IL16: variants seen among roughly 807,000 people sequenced by gnomAD.
IL16 encodes pro-interleukin-16.
A neutral mutation model predicts 110.1 loss-of-function variants in IL16; 67 were observed. The ratio of observed to expected loss-of-function variants is 0.61; its 90% CI spans 0.50 to 0.75. IL16 has a LOEUF of 0.75. Ranked by LOEUF, IL16 falls within the 30% of genes least tolerant of loss-of-function variation. The probability of loss-of-function intolerance (pLI) is 0.00; values close to 1 mark genes in which losing one functional copy is unlikely to be tolerated. For missense variants in IL16, 1,545 were observed against 1,655.0 expected, an observed-to-expected ratio of 0.93 and a Z score of 1.15; for synonymous variants, 689 against 662.9, an observed-to-expected ratio of 1.04 and a Z score of -0.61.
At chr15:81,241,431 G>A (rs1040955653) in intron 2 of IL16, among the ~76,000 whole-genome samples, 6 of 151,864 alleles carry the variant, frequency 4.0e-5, no homozygotes, top group Non-Finnish European at 5.9e-5. Context: ...ATATATTGCT[G>A]CATTATTCAG....
chr15:81,205,164 G>T (rs1339497622), intron 1 of IL16, among the ~76,000 whole-genome samples: 1 of 151,872 alleles, frequency 6.6e-6, no homozygotes, highest in Non-Finnish European at 1.5e-5. Flanking sequence ...AAATTAGCCG[G>T]GCATAGTGGC....
rs1296687244 is a variant in IL16 at position 81,229,629 on chromosome 15, A to G, written c.312+3918A>G. 2.0e-5 allele frequency among the ~76,000 whole-genome samples: 3 copies of G among 152,320 alleles called. No homozygotes were observed. In the East Asian group the frequency reaches 5.8e-4, roughly 29 times the overall value. On this transcript the variant is annotated intron_variant, in intron 2 of 18. Coordinates refer to ENST00000683961, the MANE Select transcript of IL16 (RefSeq NM_172217.5). ...AGTTGCCTAAGCAAGTCCTGCAATC[A>G]AAGGTTCCAGGTCAGCAAGGCCAAA...
chr15:81,313,175 G>T lies in IL16; in HGVS notation c.*4377G>T. ...AAAGAGTGAACACAGGCCTCTGCGT[G>T]CTCCCAGGCTCCTTGGTGTCCCAAC... On this transcript the variant is annotated 3_prime_UTR_variant, in exon 19 of 19. Transcript: ENST00000683961. 2 of 1,424,952 alleles carry T rather than the reference G, an allele frequency of 1.4e-6. No homozygotes were observed. Among genetic ancestry groups the T allele is most frequent in the Non-Finnish European group, 1.9e-6 (2 of 1,076,232 alleles). The allele number at this position is 1,424,952 out of a possible 1,614,324, so 88.3% of individuals were successfully genotyped here. A position where few individuals can be genotyped will look rare whatever the true frequency, so the allele number is the denominator to read the frequency against.
In IL16 at chr15:81,273,117, A is replaced by G; in HGVS notation, c.703A>G (p.Lys235Glu). 1.9e-6 allele frequency: 3 copies of G among 1,613,520 alleles called. No individual in the cohort carries two copies. The highest frequency in any genetic ancestry group is 2.5e-6 in the Non-Finnish European group (3 of 1,179,626). Residue 235 changes from lysine (K) to glutamate (E), a missense_variant, in exon 6 of 19, where the codon AAA (lysine) becomes GAA (glutamate). By Grantham distance (56) the Lys-to-Glu change is moderately conservative (BLOSUM62 1). Coordinates refer to ENST00000683961, the MANE Select transcript of IL16 (RefSeq NM_172217.5). The part of the protein sequence containing the change: ...KGLGFSIVGG[K>E]DSIYGPIGIY... ...TCTGGGCTTCAGCATCGTTGGGGGA[A>G]AAGACAGCATTTATGGCCCCATTGG...
At chr15:81,226,916 C>T (rs1174680979) in intron 2 of IL16, among the ~76,000 whole-genome samples, 2 of 152,134 alleles carry the variant, frequency 1.3e-5, no homozygotes, top group Admixed American at 1.3e-4. Flanking sequence ...AAATGAAATT[C>T]AAAAAGTATT....
intron 1 of IL16, among the ~76,000 whole-genome samples, chr15:81,205,036 G>T (rs533161118): frequency 6.6e-6 from 1 of 152,282 alleles, no homozygotes; most frequent in African/African-American, 2.4e-5. Context: ...ACCGGGCGCA[G>T]TGGCTCACAC....
At chr15:81,209,796 C>T (rs1896168821) in intron 1 of IL16, among the ~76,000 whole-genome samples, 1 of 152,276 alleles carries the variant, frequency 6.6e-6, no homozygotes, top group African/African-American at 2.4e-5. Flanking sequence ...TGGCCCTGCA[C>T]CCAGGCGTGA....
At chr15:81,288,829 ATG>A (rs149894902) in intron 10 of IL16, among the ~76,000 whole-genome samples, 32 of 140,878 alleles carry the variant, frequency 2.3e-4, no homozygotes, top group East Asian at 2.2e-3. Context: ...TAGTATGTGT[ATG>A]TGTGTGTGTG....
At chr15:81,191,874 G>A in intron 1 of IL16, among the ~76,000 whole-genome samples, 1 of 152,166 alleles carries the variant, frequency 6.6e-6, no homozygotes, top group Non-Finnish European at 1.5e-5. Flanking sequence ...AGGCAGAGGT[G>A]GAAGCTGGAG....
At chr15:81,236,618 G>C (rs956541146) in intron 2 of IL16, among the ~76,000 whole-genome samples, 2 of 152,104 alleles carry the variant, frequency 1.3e-5, no homozygotes, top group Non-Finnish European at 2.9e-5. Flanking sequence ...ATTAGCTCTG[G>C]CAGAACTTCA....
chr15:81,205,177 G>A (rs113890265), intron 1 of IL16, among the ~76,000 whole-genome samples: 12,253 of 151,812 alleles, frequency 0.081, 516 homozygotes, highest in Middle Eastern at 0.1. Flanking sequence ...ATAGTGGCAC[G>A]TGCCTGTCAT....
intron 1 of IL16, among the ~76,000 whole-genome samples, chr15:81,202,164 G>A (rs572075404): frequency 4.3e-4 from 65 of 152,318 alleles, no homozygotes; most frequent in African/African-American, 1.4e-3. Context: ...GCAATTGATA[G>A]AGGCCATTCG....
At position 81,225,702 on chromosome 15, in the gene IL16, C is replaced by T; in HGVS notation, c.303C>T (p.Phe101=). 1 of 1,604,856 alleles carries T rather than the reference C, an allele frequency of 6.2e-7. No individual in the cohort carries two copies. Among genetic ancestry groups the T allele is most frequent in the Non-Finnish European group, 8.5e-7 (1 of 1,173,196 alleles). ...NDRGKTCRRI[F]FMKESSTASS... is the part of the protein sequence containing the mutation. Reference sequence around the variant, plus strand: ...GAGGCAAGACCTGTAGGAGGATATTCTTCATGAAGGTATGCCCAGGCTTTG... The same window carrying T: ...GAGGCAAGACCTGTAGGAGGATATTTTTCATGAAGGTATGCCCAGGCTTTG... Residue 101 remains phenylalanine (F), a synonymous_variant, in exon 2 of 19, where the codon TTC becomes TTT. Coordinates refer to ENST00000683961, the MANE Select transcript of IL16 (RefSeq NM_172217.5).
chr15:81,292,470 T>G (rs754565993), intron 11 of IL16, 86 bp from the exon 12 acceptor site: 4 of 1,578,550 alleles, frequency 2.5e-6, no homozygotes, highest in African/African-American at 1.3e-5. Flanking sequence ...TGCAGTGTGC[T>G]GCCCGTGGCA....
At position 81,299,774 on chromosome 15, in the gene IL16, C is replaced by G. The variant is rs1467602431; in HGVS notation, c.2448C>G (p.Thr816=). ...PRGLPDPALS[T]QPAPASREHL... ...GGCTCCCTGATCCTGCCTTGTCCAC[C>G]CAGCCAGCACCTGCTTCCAGGGAGC... Residue 816 remains threonine, a synonymous_variant, in exon 14 of 19, where the codon ACC becomes ACG. Coordinates refer to ENST00000683961, the MANE Select transcript of IL16 (RefSeq NM_172217.5). 3.7e-6 allele frequency: 6 copies of G among 1,614,012 alleles called. No homozygotes were observed. In the African/African-American group the frequency reaches 6.7e-5, roughly 18 times the overall value.
chr15:81,208,059 T>C lies in IL16; in HGVS notation c.-102+10907T>C, dbSNP rs188344553. On this transcript the variant is annotated intron_variant, in intron 1 of 18. Transcript: ENST00000683961. ...CATCTGTTGTCTGTTGACTTTTTAA[T>C]AACTGTCATTCTGACTGGTGTGAGA... 2.5e-3 allele frequency among the ~76,000 whole-genome samples: 385 copies of C among 152,350 alleles called. 4 individuals carry two copies. The highest frequency in any genetic ancestry group is 1.7e-3 in the Non-Finnish European group (116 of 68,034).
chr15:81,199,973 C>A (rs1358838944), intron 1 of IL16, among the ~76,000 whole-genome samples: 1 of 152,066 alleles, frequency 6.6e-6, no homozygotes, highest in East Asian at 1.9e-4. Flanking sequence ...AAAGCAAATA[C>A]CCCATATGGA....
intron 1 of IL16, among the ~76,000 whole-genome samples, chr15:81,200,810 A>G (rs185658659): frequency 6.6e-6 from 1 of 152,338 alleles, no homozygotes; most frequent in Admixed American, 6.5e-5. Context: ...TCTTCCCATT[A>G]TCCAAGGCAA....
At chr15:81,184,093 G>A (rs1428104229) in intron 1 of IL16, among the ~76,000 whole-genome samples, 1 of 152,210 alleles carries the variant, frequency 6.6e-6, no homozygotes, top group East Asian at 1.9e-4. Flanking sequence ...AGAAAGTAGG[G>A]TGAGCATTCA....
Sources: allele counts gnomAD v4.1 joint callset (sites outside exome capture counted in the v4.1 genomes callset), GRCh38; gene constraint gnomAD v4.1.1; transcripts MANE v1.5; gene names NCBI Gene and HGNC (gene_info 2026-07-23, HGNC 2026-07-21).